CSRNP3: variants seen among roughly 807,000 people sequenced by gnomAD.
CSRNP3 encodes the protein cysteine and serine rich nuclear protein 3, also known as cysteine/serine-rich nuclear protein 3.
Under a neutral mutation model 48.0 loss-of-function variants are expected in CSRNP3, and 12 were observed. The ratio of observed to expected loss-of-function variants is 0.25; its 90% CI spans 0.16 to 0.41. The LOEUF is 0.41. CSRNP3 is among the 10% of genes least tolerant of loss of function. CSRNP3 has a pLI of 1.00. For missense variants in CSRNP3, 580 were observed against 724.4 expected, an observed-to-expected ratio of 0.80 and a Z score of 2.29; for synonymous variants, 263 against 269.7, an observed-to-expected ratio of 0.98 and a Z score of 0.24.
At chr2:165,529,024 G>A (rs552288413) in intron 3 of CSRNP3, among the ~76,000 whole-genome samples, 1 of 151,516 alleles carries the variant, frequency 6.6e-6, no homozygotes, top group East Asian at 2.0e-4. Flanking sequence ...CCCAAACCAC[G>A]GCTTTGGACC....
intron 1 of CSRNP3, among the ~76,000 whole-genome samples, chr2:165,480,234 G>A (rs917518256): frequency 6.6e-6 from 1 of 152,132 alleles, no homozygotes; most frequent in African/African-American, 2.4e-5. Flanking sequence ...GATTTCAAGG[G>A]CTCATGTGAT....
intron 2 of CSRNP3, among the ~76,000 whole-genome samples, chr2:165,508,005 C>G (rs796390519): frequency 6.6e-6 from 1 of 151,920 alleles, no homozygotes; most frequent in Non-Finnish European, 1.5e-5. Flanking sequence ...CATGATAACA[C>G]TTAAGGTAGG....
chr2:165,560,670 T>G (rs1558934770), intron 3 of CSRNP3, among the ~76,000 whole-genome samples: 4 of 152,182 alleles, frequency 2.6e-5, no homozygotes, highest in Non-Finnish European at 1.5e-5. Context: ...GAGTTTGAGT[T>G]ATTCAAATCA....
chr2:165,598,099 T>C (rs1443928253), intron 4 of CSRNP3, among the ~76,000 whole-genome samples: 1 of 152,134 alleles, frequency 6.6e-6, no homozygotes, highest in Non-Finnish European at 1.5e-5. Context: ...GTGAAAACTA[T>C]ATAAATGAAA....
chr2:165,500,951 C>G (rs1371575312), intron 2 of CSRNP3, among the ~76,000 whole-genome samples: 3 of 152,118 alleles, frequency 2.0e-5, no homozygotes, highest in African/African-American at 7.2e-5. Flanking sequence ...ATGATTTCCT[C>G]CAAAGATGCT....
At chr2:165,604,784 T>G (rs1685980813) in intron 4 of CSRNP3, among the ~76,000 whole-genome samples, 1 of 152,180 alleles carries the variant, frequency 6.6e-6, no homozygotes, top group Non-Finnish European at 1.5e-5. Flanking sequence ...CATTACTAAG[T>G]CAGGTCACTA....
chr2:165,531,755 T>G (rs1038068466), intron 3 of CSRNP3, among the ~76,000 whole-genome samples: 1 of 152,034 alleles, frequency 6.6e-6, no homozygotes, highest in African/African-American at 2.4e-5. Context: ...CTTCAAAAAA[T>G]TAATGAATCC....
intron 5 of CSRNP3, among the ~76,000 whole-genome samples, chr2:165,660,647 T>C (rs1157856797): frequency 1.5e-4 from 23 of 152,204 alleles, no homozygotes; most frequent in Admixed American, 1.5e-3. Flanking sequence ...CTATAATTTG[T>C]ATCCAGCTAC....
intron 3 of CSRNP3, among the ~76,000 whole-genome samples, chr2:165,540,929 T>C (rs1684948205): frequency 6.6e-6 from 1 of 152,040 alleles, no homozygotes; most frequent in South Asian, 2.1e-4. Flanking sequence ...CCCAGGAACA[T>C]TTTGTATATA....
chr2:165,666,853 AAG>A (rs374011356), intron 5 of CSRNP3, among the ~76,000 whole-genome samples: 48 of 115,048 alleles, frequency 4.2e-4, no homozygotes, highest in African/African-American at 6.6e-4. Context: ...GAAGGGAGGA[AAG>A]AGAGAGAGTA....
chr2:165,663,855 A>C (rs1034416889), intron 5 of CSRNP3, among the ~76,000 whole-genome samples: 1 of 152,052 alleles, frequency 6.6e-6, no homozygotes. Flanking sequence ...TTTTTTTTCC[A>C]GAGTGTCAGT....
At chr2:165,512,342 G>T (rs1684518143) in intron 2 of CSRNP3, among the ~76,000 whole-genome samples, 1 of 152,060 alleles carries the variant, frequency 6.6e-6, no homozygotes, top group African/African-American at 2.4e-5. Context: ...TACCTAAATT[G>T]TCACCTAGAT....
At chr2:165,475,872 T>A (rs1188171137) in intron 1 of CSRNP3, among the ~76,000 whole-genome samples, 1 of 152,198 alleles carries the variant, frequency 6.6e-6, no homozygotes, top group Non-Finnish European at 1.5e-5. Flanking sequence ...TAACGGGATT[T>A]TATCTGCATG....
At chr2:165,491,070 C>T (rs1684199982) in intron 1 of CSRNP3, among the ~76,000 whole-genome samples, 1 of 133,612 alleles carries the variant, frequency 7.5e-6, no homozygotes, top group African/African-American at 2.7e-5. Context: ...GGCTAATATC[C>T]AGAATCTACA....
At chr2:165,507,795 G>T (rs1471159277) in intron 2 of CSRNP3, among the ~76,000 whole-genome samples, 2 of 151,962 alleles carry the variant, frequency 1.3e-5, no homozygotes, top group Non-Finnish European at 2.9e-5. Flanking sequence ...CTTTCTACAG[G>T]GGACTGTTTG....
At chr2:165,514,772 G>A (rs892621000) in intron 2 of CSRNP3, among the ~76,000 whole-genome samples, 3 of 152,012 alleles carry the variant, frequency 2.0e-5, no homozygotes, top group Admixed American at 6.6e-5. Flanking sequence ...GGCTGGTCTC[G>A]GATTTCTGGT....
At chr2:165,605,688 A>T (rs142733624) in intron 4 of CSRNP3, among the ~76,000 whole-genome samples, 1 of 152,172 alleles carries the variant, frequency 6.6e-6, no homozygotes, top group Non-Finnish European at 1.5e-5. Flanking sequence ...TCTCTAAATA[A>T]ATAAAAATTT....
chr2:165,615,468 G>A lies in CSRNP3; in HGVS notation c.148+20255G>A, dbSNP rs150502749. Among the ~76,000 whole-genome samples the A allele has an allele frequency of 3.6e-4, 55 of 151,724 alleles. No individual in the cohort carries two copies. The East Asian group carries it at 7.0e-3, about 19-fold the overall frequency. On this transcript the variant is annotated intron_variant, in intron 4 of 6. Coordinates refer to ENST00000651982, the MANE Select transcript of CSRNP3 (RefSeq NM_001172173.2). Reference sequence around the variant, plus strand: ...TGAGGCAGGAGAATGGTGTGAACCCGGGAGGCAGAGCTTGCAGTGAGCCAA... The same window carrying A: ...TGAGGCAGGAGAATGGTGTGAACCCAGGAGGCAGAGCTTGCAGTGAGCCAA...
chr2:165,676,658 C>A, intron 6 of CSRNP3, 50 bp downstream of exon 6: 2 of 1,537,728 alleles, frequency 1.3e-6, no homozygotes, highest in South Asian at 1.1e-5. Flanking sequence ...TGTCTACCAC[C>A]CCCTAAGGAG....
Sources: gnomAD v4.1 joint callset for allele counts (sites outside exome capture counted in the v4.1 genomes callset) on GRCh38, gnomAD v4.1.1 for gene constraint, MANE v1.5 for transcripts, NCBI Gene and HGNC (gene_info 2026-07-23, HGNC 2026-07-21) for gene names.